The following SAMD4A variants were observed in gnomAD, a reference collection of about 807,000 sequenced individuals.
The protein encoded by SAMD4A is protein Smaug homolog 1.
Under a neutral mutation model 81.3 loss-of-function variants are expected in SAMD4A, and 33 were observed. That is an observed-to-expected ratio of 0.41 (90% confidence interval 0.31 to 0.54). SAMD4A has a LOEUF of 0.54. Ranked by LOEUF, SAMD4A falls within the 20% of genes least tolerant of loss-of-function variation. SAMD4A has a pLI of 0.37. For synonymous variants in SAMD4A, 389 were observed against 382.1 expected (o/e 1.02, Z -0.21); for missense variants, 854 against 951.1 (o/e 0.90, Z 1.34).
At chr14:54,701,141 G>A (rs947049097) in intron 2 of SAMD4A, 3 of 151,944 alleles carry the variant, frequency 2.0e-5, no homozygotes, top group African/African-American at 7.3e-5. Context: ...TGGATCTACA[G>A]GCATATACCA....
intron 2 of SAMD4A, among the ~76,000 whole-genome samples, chr14:54,576,087 A>G (rs1452042509): frequency 7.5e-6 from 1 of 133,970 alleles, no homozygotes; most frequent in African/African-American, 2.9e-5. Context: ...AGGAATGTTC[A>G]TTCCAGAGAC....
At chr14:54,688,926 T>A (rs1318598160) in intron 2 of SAMD4A, among the ~76,000 whole-genome samples, 1 of 140,234 alleles carries the variant, frequency 7.1e-6, no homozygotes, top group African/African-American at 2.7e-5. Flanking sequence ...CCAGAAGTCG[T>A]AATTCTTTTT....
intron 2 of SAMD4A, among the ~76,000 whole-genome samples, chr14:54,575,913 CT>C (rs2033275849): frequency 6.6e-6 from 1 of 150,508 alleles, no homozygotes; most frequent in Admixed American, 6.7e-5. Context: ...TTTCCCCGAG[CT>C]TTTTGAATAT....
At chr14:54,595,294 C>T (rs2033882000) in intron 2 of SAMD4A, among the ~76,000 whole-genome samples, 1 of 152,034 alleles carries the variant, frequency 6.6e-6, no homozygotes, top group South Asian at 2.1e-4. Context: ...ATCTTACTAT[C>T]TTATAAGTAT....
chr14:54,625,708 G>A (rs1272503144), intron 2 of SAMD4A, among the ~76,000 whole-genome samples: 2 of 152,154 alleles, frequency 1.3e-5, no homozygotes, highest in Admixed American at 1.3e-4. Context: ...AAGTACCTAA[G>A]GAAAAGAGCT....
intron 4 of SAMD4A, among the ~76,000 whole-genome samples, chr14:54,739,663 G>A (rs546550563): frequency 1.3e-5 from 2 of 152,238 alleles, no homozygotes; most frequent in East Asian, 3.9e-4. Context: ...GAAGTGTCAC[G>A]GGCCAGTATT....
intron 2 of SAMD4A, among the ~76,000 whole-genome samples, chr14:54,606,601 A>G (rs1022597886): frequency 1.3e-5 from 2 of 152,136 alleles, no homozygotes; most frequent in Admixed American, 6.5e-5. Context: ...AGAAATCATC[A>G]CCAGGTCTCA....
chr14:54,637,521 AG>A (rs2035065561), intron 2 of SAMD4A, among the ~76,000 whole-genome samples: 1 of 152,120 alleles, frequency 6.6e-6, no homozygotes, highest in Admixed American at 6.5e-5. Flanking sequence ...AAGTGTCCAA[AG>A]CATCTGAGAG....
intron 6 of SAMD4A, among the ~76,000 whole-genome samples, chr14:54,757,437 G>A (rs1594903532): frequency 6.8e-6 from 1 of 146,760 alleles, no homozygotes; most frequent in South Asian, 2.2e-4. Context: ...GTTTTGTTTT[G>A]TTTTGTTTGG....
Position 54,702,773 on chromosome 14 carries a change from G to A in SAMD4A, c.715+193G>A. The A allele has an allele frequency of 4.6e-6, 3 of 653,802 alleles. No homozygotes were observed. The South Asian group carries it at 7.0e-5, about 15-fold the overall frequency. 40.5% of individuals were successfully genotyped at this position (653,802 alleles called of 1,614,324 possible). A position where few individuals can be genotyped will look rare whatever the true frequency, so the allele number is the denominator to read the frequency against. ...TGACTCTGCAAAGATGAAAATACTT[G>A]GGAAGGTAAAAGTGACTGATGGTCC... On this transcript the variant is annotated intron_variant, in intron 3 of 12. Transcript: ENST00000554335.
At chr14:54,639,833 C>T (rs540119775) in intron 2 of SAMD4A, among the ~76,000 whole-genome samples, 1 of 149,568 alleles carries the variant, frequency 6.7e-6, no homozygotes, top group African/African-American at 2.5e-5. Flanking sequence ...CACACGTACA[C>T]ACCACTGTTA....
At position 54,779,704 on chromosome 14, in the gene SAMD4A, G is replaced by A. The variant is rs370372761; in HGVS notation, c.2044+3164G>A. ...TTTTTTTTTTTTTTTTTTTCGAGACGGAGTCTCACTCTGTCACCCAGGCTG... is the reference window on the plus strand; with the variant it reads ...TTTTTTTTTTTTTTTTTTTCGAGACAGAGTCTCACTCTGTCACCCAGGCTG... On this transcript the variant is annotated intron_variant, in intron 11 of 12. Transcript: ENST00000554335. Among the ~76,000 whole-genome samples the A allele has an allele frequency of 1.7e-3, 255 of 147,408 alleles. 1 individual carries two copies. The highest frequency in any genetic ancestry group is 6.0e-3 in the African/African-American group (236 of 39,558).
At chr14:54,572,262 C>G (rs2033151170) in intron 2 of SAMD4A, among the ~76,000 whole-genome samples, 1 of 152,130 alleles carries the variant, frequency 6.6e-6, no homozygotes, top group Non-Finnish European at 1.5e-5. Context: ...CATTGTGAAC[C>G]TAGCCACTTA....
chr14:54,695,669 T>C (rs1247694773), intron 2 of SAMD4A, among the ~76,000 whole-genome samples: 2 of 151,892 alleles, frequency 1.3e-5, no homozygotes, highest in Non-Finnish European at 1.5e-5. Context: ...AGGGGGAGGG[T>C]TAGGGCCGGG....
At chr14:54,651,465 T>C (rs1197145963) in intron 2 of SAMD4A, among the ~76,000 whole-genome samples, 1 of 152,142 alleles carries the variant, frequency 6.6e-6, no homozygotes, top group Non-Finnish European at 1.5e-5. Flanking sequence ...TTGTTGTCAT[T>C]TAACAGATTT....
intron 4 of SAMD4A, among the ~76,000 whole-genome samples, chr14:54,743,926 T>C (rs1488189128): frequency 6.6e-6 from 1 of 152,238 alleles, no homozygotes; most frequent in Non-Finnish European, 1.5e-5. Context: ...AAACTTCTCT[T>C]CATTTTTGAA....
chr14:54,636,791 G>A (rs2035044585), intron 2 of SAMD4A, among the ~76,000 whole-genome samples: 1 of 152,166 alleles, frequency 6.6e-6, no homozygotes, highest in African/African-American at 2.4e-5. Flanking sequence ...TGCCATCACA[G>A]AGATGGGGAG....
intron 4 of SAMD4A, among the ~76,000 whole-genome samples, chr14:54,737,494 G>A (rs1330944132): frequency 6.7e-6 from 1 of 149,058 alleles, no homozygotes; most frequent in African/African-American, 2.5e-5. Context: ...CCAAAATCTG[G>A]GAAATAGGAA....
At chr14:54,762,246 A>T (rs1383680189) in intron 7 of SAMD4A, among the ~76,000 whole-genome samples, 1 of 152,198 alleles carries the variant, frequency 6.6e-6, no homozygotes, top group Non-Finnish European at 1.5e-5. Context: ...TGGGTGTCTT[A>T]CAAGACATCT....
Sources: gnomAD v4.1 joint callset for allele counts (sites outside exome capture counted in the v4.1 genomes callset) on GRCh38, gnomAD v4.1.1 for gene constraint, MANE v1.5 for transcripts, NCBI Gene and HGNC (gene_info 2026-07-23, HGNC 2026-07-21) for gene names.